Variants in IRF2 observed in about 807,000 individuals in gnomAD.
The protein encoded by IRF2 is interferon regulatory factor 2.
A neutral mutation model predicts 40.6 loss-of-function variants in IRF2; 15 were observed. The observed-to-expected ratio is 0.37, with a 90% CI of 0.25 to 0.57. The LOEUF is 0.57. IRF2 is among the 20% of genes least tolerant of loss of function. The pLI, the probability that IRF2 is intolerant of heterozygous loss-of-function variation, is 0.77. For missense variants in IRF2, 317 were observed against 455.7 expected, an observed-to-expected ratio of 0.70 and a Z score of 2.77; for synonymous variants, 151 against 165.5, an observed-to-expected ratio of 0.91 and a Z score of 0.67.
intron 2 of IRF2, among the ~76,000 whole-genome samples, chr4:184,426,307 C>A (rs771105108): frequency 6.6e-6 from 1 of 151,992 alleles, no homozygotes; most frequent in East Asian, 1.9e-4. Flanking sequence ...TGAGCCACTG[C>A]GCCCAGCCAG....
In IRF2 at chr4:184,418,517, TG is replaced by T; in HGVS notation, c.364+14del. ...CAAATTGATTTACCTTATTTTAGTC[TG>T]TAAATGCCTTTACCTTTCTTAGAAG... is the stretch of plus-strand genomic sequence containing the variant. On this transcript the variant is annotated intron_variant, in intron 4 of 8. Transcript: ENST00000393593. 1 of 1,610,970 alleles carries T rather than the reference TG, an allele frequency of 6.2e-7. No individual in the cohort carries two copies. The highest frequency in any genetic ancestry group is 8.5e-7 in the Non-Finnish European group (1 of 1,177,238).
At chr4:184,402,801 A>G (rs1221886839) in intron 6 of IRF2, among the ~76,000 whole-genome samples, 1 of 152,168 alleles carries the variant, frequency 6.6e-6, no homozygotes, top group African/African-American at 2.4e-5. Context: ...GGGGCCAGGG[A>G]GGAAACGTGT....
At chr4:184,403,873 A>G (rs781217534) in intron 6 of IRF2, among the ~76,000 whole-genome samples, 9 of 152,188 alleles carry the variant, frequency 5.9e-5, no homozygotes, top group Non-Finnish European at 1.0e-4. Flanking sequence ...AAGTTTCTCC[A>G]GTTTATTAAA....
At chr4:184,441,422 G>T (rs1197411901) in intron 1 of IRF2, among the ~76,000 whole-genome samples, 1 of 152,220 alleles carries the variant, frequency 6.6e-6, no homozygotes, top group African/African-American at 2.4e-5. Context: ...GTGGTCAGGT[G>T]TCTGGTGGAA....
chr4:184,419,568 CCTG>C lies in IRF2; in HGVS notation c.88-3_88-1del. The C allele has an allele frequency of 8.8e-7, 1 of 1,131,356 alleles. No homozygotes were observed. Among genetic ancestry groups the C allele is most frequent in the Admixed American group, 2.7e-5 (1 of 36,820 alleles). 70.1% of individuals were successfully genotyped at this position (1,131,356 alleles called of 1,614,324 possible). On this transcript the variant is annotated splice_acceptor_variant and splice_polypyrimidine_tract_variant and intron_variant, in intron 2 of 8. Coordinates refer to ENST00000393593, the MANE Select transcript of IRF2 (RefSeq NM_002199.4). LOFTEE classifies it high-confidence loss of function. The stretch of plus-strand genomic sequence containing the variant: ...CAGGGGATCTGAAAAATCTTCTTTT[CCTG>C]AAAAAAAAAAAAAAAAAAAAGGTAA...
At chr4:184,425,292 T>C (rs534877695) in intron 2 of IRF2, among the ~76,000 whole-genome samples, 8 of 152,374 alleles carry the variant, frequency 5.3e-5, no homozygotes, top group South Asian at 2.1e-4. Context: ...AGTATTTATA[T>C]GGACAGATGA....
Position 184,428,969 on chromosome 4 carries a change from C to A in IRF2, c.87+9G>T, listed in dbSNP as rs369499558. 7 of 1,612,404 alleles carry A rather than the reference C, an allele frequency of 4.3e-6. No individual in the cohort carries two copies. In the African/African-American group the frequency reaches 8.0e-5, roughly 18 times the overall value. On this transcript the variant is annotated intron_variant, in intron 2 of 8. Coordinates refer to ENST00000393593, the MANE Select transcript of IRF2 (RefSeq NM_002199.4). ...TCTCTCACACATACACCCACCCTGACCCACTCACCTTGTTAAGCCACTTGA... is the reference window on the plus strand; with the variant it reads ...TCTCTCACACATACACCCACCCTGAACCACTCACCTTGTTAAGCCACTTGA...
chr4:184,429,161 T>A, intron 1 of IRF2, 91 bp from the exon 2 acceptor site: 3 of 792,348 alleles, frequency 3.8e-6, no homozygotes, highest in Non-Finnish European at 4.1e-6. Context: ...ACTCTTTCCT[T>A]CTCTCCTTTC....
At position 184,445,666 on chromosome 4, in the gene IRF2, A is replaced by AAAAGAAG. The variant is rs1554016523; in HGVS notation, c.-6-16597_-6-16596insCTTCTTT. On this transcript the variant is annotated intron_variant, in intron 1 of 8. Transcript: ENST00000393593. ...TGAGACTCCATCACAAAAAAAAAAA[A>AAAAGAAG]AAGAAGAAGAAGAAGAACAATACAG... Among the ~76,000 whole-genome samples, 515 of 151,604 alleles carry AAAAGAAG rather than the reference A, an allele frequency of 3.4e-3. 2 individuals carry two copies. Among genetic ancestry groups the AAAAGAAG allele is most frequent in the African/African-American group, 0.012 (499 of 41,294 alleles).
chr4:184,435,985 T>TC (rs1738061647), intron 1 of IRF2, among the ~76,000 whole-genome samples: 1 of 67,426 alleles, frequency 1.5e-5, no homozygotes, highest in African/African-American at 7.0e-5. Context: ...TTCTTTTTTC[T>TC]TTTTTTTTTT....
chr4:184,419,612 G>T, intron 2 of IRF2, 44 bp from the exon 3 acceptor site: 1 of 1,393,444 alleles, frequency 7.2e-7, no homozygotes, highest in Non-Finnish European at 1.0e-6. Context: ...TGGAGTCATG[G>T]GTTTTGGCCC....
At chr4:184,389,295 T>C (rs919665316) in intron 8 of IRF2, among the ~76,000 whole-genome samples, 1 of 151,824 alleles carries the variant, frequency 6.6e-6, no homozygotes, top group Admixed American at 6.6e-5. Context: ...GTGCACACCT[T>C]TAGCCCCAGC....
At chr4:184,393,846 C>T (rs112415768) in intron 7 of IRF2, among the ~76,000 whole-genome samples, 2,775 of 152,228 alleles carry the variant, frequency 0.018, 52 homozygotes, top group Non-Finnish European at 0.028. Flanking sequence ...ACCCCAGAAT[C>T]GGTGGCTCCA....
Position 184,416,613 on chromosome 4 carries a change from AC to A in IRF2, c.411+1553del, listed in dbSNP as rs367965080. ...GAAATTACTGTGAACTTTTTCAGGT[AC>A]AGTAATGACATCATGGTATTTTTAC... is the stretch of plus-strand genomic sequence containing the variant. On this transcript the variant is annotated intron_variant, in intron 5 of 8. Transcript: ENST00000393593. Among the ~76,000 whole-genome samples the A allele has an allele frequency of 3.9e-4, 60 of 152,334 alleles. 1 individual carries two copies. Among genetic ancestry groups the A allele is most frequent in the African/African-American group, 1.4e-3 (57 of 41,584 alleles).
chr4:184,395,141 G>T lies in IRF2; in HGVS notation c.694+3774C>A, dbSNP rs973798110. ...AGGTGGTCAGAGCATGCCGGGCGCG[G>T]TGGCTCACGCCTGGAATCCCAGCAC... On this transcript the variant is annotated intron_variant, in intron 7 of 8. Transcript: ENST00000393593. Among the ~76,000 whole-genome samples, 5 of 151,990 alleles carry T rather than the reference G, an allele frequency of 3.3e-5. No individual in the cohort carries two copies. The South Asian group carries it at 6.2e-4, about 19-fold the overall frequency.
chr4:184,435,743 G>A (rs1458204521), intron 1 of IRF2, among the ~76,000 whole-genome samples: 2 of 152,104 alleles, frequency 1.3e-5, no homozygotes, highest in African/African-American at 4.8e-5. Flanking sequence ...ACATCAGGAT[G>A]CAGCTAGGAA....
intron 1 of IRF2, among the ~76,000 whole-genome samples, chr4:184,439,077 T>A (rs1318499505): frequency 6.6e-6 from 1 of 152,208 alleles, no homozygotes; most frequent in Non-Finnish European, 1.5e-5. Flanking sequence ...CTGATTTTTA[T>A]GTTTTGTTGA....
intron 7 of IRF2, 103 bp downstream of exon 7, chr4:184,398,812 G>A: frequency 9.6e-7 from 1 of 1,036,718 alleles, no homozygotes; most frequent in Non-Finnish European, 1.4e-6. Flanking sequence ...TAACTCCTAG[G>A]ACAGAGGAGG....
chr4:184,389,045 TCTTCCG>T lies in IRF2; in HGVS notation c.757_762del (p.Lys254_Arg255del). 6.2e-7 allele frequency: 1 copy of T among 1,614,200 alleles called. No homozygotes were observed. The highest frequency in any genetic ancestry group is 8.5e-7 in the Non-Finnish European group (1 of 1,180,030). On this transcript the variant is annotated inframe_deletion, in exon 9 of 9. Coordinates refer to ENST00000393593, the MANE Select transcript of IRF2 (RefSeq NM_002199.4). ...AGGTACTGTTTGCCTTCAATATTCC[TCTTCCG>T]CCAGTGTGGCCGCCCCTTTCAAGAA...
Sources: gnomAD v4.1 joint callset for allele counts (sites outside exome capture counted in the v4.1 genomes callset) on GRCh38, gnomAD v4.1.1 for gene constraint, MANE v1.5 for transcripts, NCBI Gene and HGNC (gene_info 2026-07-23, HGNC 2026-07-21) for gene names.